Variants in CHL1 observed in about 807,000 individuals in gnomAD.
CHL1 encodes neural cell adhesion molecule L1-like protein.
CHL1 carries 96 observed loss-of-function variants against 141.9 expected under a neutral mutation model. The ratio of observed to expected loss-of-function variants is 0.68; its 90% CI spans 0.57 to 0.80. The LOEUF is 0.80. CHL1 is among the 30% of genes least tolerant of loss of function. CHL1 has a pLI of 0.00. For missense variants in CHL1, 1,820 were observed against 1,457.2 expected (o/e 1.25, Z -4.05); for synonymous variants, 613 against 502.2 (o/e 1.22, Z -2.95).
intron 2 of CHL1, chr3:246,626 A>G (rs1033389815): frequency 6.6e-6 from 1 of 152,106 alleles, no homozygotes; most frequent in Non-Finnish European, 1.5e-5. Context: ...TTTTAAAACG[A>G]TGGAGTAAAA....
chr3:301,595 T>C (rs1289709412), intron 2 of CHL1, among the ~76,000 whole-genome samples: 5 of 152,190 alleles, frequency 3.3e-5, no homozygotes, highest in Non-Finnish European at 7.4e-5. Context: ...AGATTCAGCA[T>C]TGTCTAGTTA....
At chr3:405,098 C>T (rs1709431316) in intron 27 of CHL1, among the ~76,000 whole-genome samples, 1 of 152,138 alleles carries the variant, frequency 6.6e-6, no homozygotes, top group African/African-American at 2.4e-5. Context: ...CCAAAGACTC[C>T]ACCTCTAACA....
chr3:291,637 C>G (rs1215740476), intron 2 of CHL1, among the ~76,000 whole-genome samples: 2 of 151,968 alleles, frequency 1.3e-5, no homozygotes, highest in Non-Finnish European at 2.9e-5. Context: ...ATTGTTATTT[C>G]TCATTAAATA....
intron 2 of CHL1, among the ~76,000 whole-genome samples, chr3:279,925 C>G (rs887330454): frequency 3.3e-5 from 5 of 152,130 alleles, no homozygotes; most frequent in Non-Finnish European, 7.4e-5. Context: ...CTTTACTTGA[C>G]AAGCATTTAT....
intron 1 of CHL1, among the ~76,000 whole-genome samples, chr3:238,845 A>G (rs1692255348): frequency 6.6e-6 from 1 of 152,034 alleles, no homozygotes; most frequent in Non-Finnish European, 1.5e-5. Flanking sequence ...AGGCAGGAGA[A>G]TTGCTTGAAC....
intron 2 of CHL1, among the ~76,000 whole-genome samples, chr3:281,471 T>C (rs1400907633): frequency 6.6e-6 from 1 of 152,170 alleles, no homozygotes; most frequent in Non-Finnish European, 1.5e-5. Flanking sequence ...AAATCTTCTC[T>C]TGTTGATGGT....
chr3:350,941 A>G (rs1160562089), intron 10 of CHL1, among the ~76,000 whole-genome samples: 2 of 152,184 alleles, frequency 1.3e-5, no homozygotes, highest in Admixed American at 6.5e-5. Flanking sequence ...TGATGTTTCT[A>G]TATAATTTGG....
intron 15 of CHL1, among the ~76,000 whole-genome samples, chr3:367,839 G>A (rs1705102381): frequency 6.6e-6 from 1 of 151,988 alleles, no homozygotes; most frequent in South Asian, 2.1e-4. Context: ...ACCTCTCTGT[G>A]TCCATATGTT....
Position 340,787 on chromosome 3 carries a change from A to T in CHL1, c.386-7A>T. ...AAATAACACATTAAAATGATTTTTT[A>T]CACCAGGTGTTCCAAAATTCCCAAA... On this transcript the variant is annotated splice_region_variant and splice_polypyrimidine_tract_variant and intron_variant, in intron 5 of 27. Coordinates refer to ENST00000256509, the MANE Select transcript of CHL1 (RefSeq NM_006614.4). The T allele has an allele frequency of 6.3e-7, 1 of 1,599,570 alleles. No individual in the cohort carries two copies. Among genetic ancestry groups the T allele is most frequent in the Non-Finnish European group, 8.5e-7 (1 of 1,170,136 alleles).
At chr3:311,734 C>A (rs1699770115) in intron 2 of CHL1, among the ~76,000 whole-genome samples, 1 of 152,108 alleles carries the variant, frequency 6.6e-6, no homozygotes, top group Non-Finnish European at 1.5e-5. Context: ...AAAGTGGTTA[C>A]CTGGATTTAT....
intron 2 of CHL1, among the ~76,000 whole-genome samples, chr3:304,651 C>T (rs547127422): frequency 6.6e-6 from 1 of 152,174 alleles, no homozygotes; most frequent in East Asian, 1.9e-4. Flanking sequence ...ATTAGTCTGG[C>T]TAGCGGTCTA....
intron 2 of CHL1, among the ~76,000 whole-genome samples, chr3:270,760 G>T (rs1695566196): frequency 1.3e-5 from 2 of 152,220 alleles, no homozygotes; most frequent in South Asian, 4.1e-4. Flanking sequence ...GTTATATGAA[G>T]GTTCACCTGG....
chr3:290,862 G>A (rs1697624940), intron 2 of CHL1, among the ~76,000 whole-genome samples: 1 of 151,266 alleles, frequency 6.6e-6, no homozygotes, highest in African/African-American at 2.4e-5. Flanking sequence ...CTTGAACCCG[G>A]GAGACAGAGG....
intron 1 of CHL1, among the ~76,000 whole-genome samples, chr3:200,886 G>A (rs1698861070): frequency 6.6e-6 from 1 of 152,136 alleles, no homozygotes; most frequent in Non-Finnish European, 1.5e-5. Context: ...TTCTAATTTG[G>A]GAGGCTGCTT....
At chr3:350,140 C>A (rs1342424865) in intron 10 of CHL1, among the ~76,000 whole-genome samples, 1 of 152,162 alleles carries the variant, frequency 6.6e-6, no homozygotes, top group Non-Finnish European at 1.5e-5. Context: ...AATATTAATT[C>A]TCTCAAAAAG....
chr3:363,165 C>A (rs370842441), intron 13 of CHL1, 52 bp from the exon 14 acceptor site: 2 of 1,496,284 alleles, frequency 1.3e-6, no homozygotes, highest in Non-Finnish European at 1.8e-6. Flanking sequence ...TATTAAAAAG[C>A]GTATACAATT....
At chr3:273,115 C>A (rs1407418113) in intron 2 of CHL1, among the ~76,000 whole-genome samples, 1 of 152,100 alleles carries the variant, frequency 6.6e-6, no homozygotes, top group Non-Finnish European at 1.5e-5. Flanking sequence ...GTGTAAGACC[C>A]TAGGAAAGTG....
chr3:328,522 C>T (rs1024988909), intron 5 of CHL1, 168 bp downstream of exon 5: 2 of 491,288 alleles, frequency 4.1e-6, no homozygotes, highest in South Asian at 4.3e-5. Flanking sequence ...TACTTAAAAT[C>T]GGATGACCTT....
At chr3:298,693 T>A (rs1698433993) in intron 2 of CHL1, among the ~76,000 whole-genome samples, 1 of 152,160 alleles carries the variant, frequency 6.6e-6, no homozygotes, top group Non-Finnish European at 1.5e-5. Flanking sequence ...TTGACTGGGC[T>A]ACCTTGTTTA....
Sources: allele counts gnomAD v4.1 joint callset (sites outside exome capture counted in the v4.1 genomes callset), GRCh38; gene constraint gnomAD v4.1.1; transcripts MANE v1.5; gene names NCBI Gene and HGNC (gene_info 2026-07-23, HGNC 2026-07-21).